The following TNKS variants were observed in gnomAD, a reference collection of about 807,000 sequenced individuals.
The protein encoded by TNKS is poly [ADP-ribose] polymerase tankyrase-1.
In TNKS, 72 loss-of-function variants were observed where a neutral mutation model predicts 135.8. That is an observed-to-expected ratio of 0.53 (90% CI 0.44 to 0.64). TNKS has a LOEUF of 0.64. Among genes scored for constraint, TNKS ranks in the 30% least tolerant of loss-of-function variants. The probability of loss-of-function intolerance (pLI) is 0.00; values close to 1 mark genes in which losing one functional copy is unlikely to be tolerated. For missense variants in TNKS, 1,769 were observed against 1,674.0 expected (o/e 1.06, Z -0.99); for synonymous variants, 849 against 649.3 (o/e 1.31, Z -4.68).
At chr8:9,598,727 G>GTC (rs1563105924) in intron 2 of TNKS, among the ~76,000 whole-genome samples, 2 of 124,254 alleles carry the variant, frequency 1.6e-5, no homozygotes, top group African/African-American at 6.2e-5. Flanking sequence ...GTGTGTGTGT[G>GTC]TGTGTGTCTG....
intron 11 of TNKS, among the ~76,000 whole-genome samples, chr8:9,718,509 T>A (rs977056289): frequency 1.3e-5 from 2 of 152,210 alleles, no homozygotes; most frequent in Non-Finnish European, 2.9e-5. Context: ...TCCAGAACTG[T>A]TTTGGCATTT....
intron 2 of TNKS, among the ~76,000 whole-genome samples, chr8:9,601,608 C>T (rs1275680606): frequency 1.3e-5 from 2 of 152,084 alleles, no homozygotes; most frequent in Non-Finnish European, 2.9e-5. Flanking sequence ...AATTTTGAGG[C>T]ACATTTTTGC....
intron 2 of TNKS, among the ~76,000 whole-genome samples, chr8:9,585,631 TG>T (rs1204603195): frequency 3.3e-5 from 5 of 152,214 alleles, no homozygotes; most frequent in Non-Finnish European, 5.9e-5. Context: ...AGGATTAAGT[TG>T]TAATTTCCTT....
At chr8:9,645,952 C>T (rs1042184980) in intron 3 of TNKS, among the ~76,000 whole-genome samples, 21 of 152,242 alleles carry the variant, frequency 1.4e-4, no homozygotes, top group African/African-American at 4.3e-4. Context: ...GTTCCCAAGA[C>T]GTTTACTTAC....
intron 3 of TNKS, among the ~76,000 whole-genome samples, chr8:9,616,583 A>C (rs2128765850): frequency 6.6e-6 from 1 of 152,334 alleles, no homozygotes; most frequent in Non-Finnish European, 1.5e-5. Flanking sequence ...TGGTGTGAAA[A>C]TTTAGCAAAA....
chr8:9,747,785 A>G (rs918459188), intron 17 of TNKS, among the ~76,000 whole-genome samples: 1 of 152,236 alleles, frequency 6.6e-6, no homozygotes, highest in Non-Finnish European at 1.5e-5. Context: ...AAAAAAGCCC[A>G]TGAACAGTTA....
At chr8:9,601,255 C>T (rs1166485118) in intron 2 of TNKS, among the ~76,000 whole-genome samples, 1 of 151,758 alleles carries the variant, frequency 6.6e-6, no homozygotes, top group Non-Finnish European at 1.5e-5. Context: ...TGTTATGAAC[C>T]CATTTGCACA....
intron 13 of TNKS, among the ~76,000 whole-genome samples, chr8:9,728,752 T>G (rs929735343): frequency 2.6e-5 from 4 of 152,234 alleles, no homozygotes; most frequent in Non-Finnish European, 5.9e-5. Flanking sequence ...ATATTTGACC[T>G]GGTCACATTA....
chr8:9,748,720 C>G (rs1806368641), intron 18 of TNKS, among the ~76,000 whole-genome samples: 1 of 152,152 alleles, frequency 6.6e-6, no homozygotes, highest in African/African-American at 2.4e-5. Context: ...AATGTTTTTT[C>G]AAGTTATGTT....
intron 16 of TNKS, 53 bp from the exon 17 acceptor site, chr8:9,735,324 A>AT (rs1413361309): frequency 3.1e-5 from 46 of 1,506,628 alleles, no homozygotes; most frequent in Admixed American, 1.8e-4. Context: ...ATATGTATGT[A>AT]TTTTTTTTCC....
intron 13 of TNKS, among the ~76,000 whole-genome samples, chr8:9,730,568 G>A (rs1585387354): frequency 6.6e-6 from 1 of 152,270 alleles, no homozygotes; most frequent in South Asian, 2.1e-4. Flanking sequence ...TCTCAGGGAG[G>A]AAAGACTTAC....
intron 2 of TNKS, among the ~76,000 whole-genome samples, chr8:9,583,766 C>T (rs1452035227): frequency 1.3e-5 from 2 of 152,024 alleles, no homozygotes; most frequent in African/African-American, 2.4e-5. Flanking sequence ...GGATTGTAGG[C>T]GTGAGCCACC....
intron 3 of TNKS, among the ~76,000 whole-genome samples, chr8:9,652,702 T>C (rs1801190244): frequency 6.6e-6 from 1 of 152,242 alleles, no homozygotes; most frequent in African/African-American, 2.4e-5. Flanking sequence ...CAATTGTTAG[T>C]AAATCAAATA....
At chr8:9,706,284 T>G in intron 7 of TNKS, 31 bp downstream of exon 7, 2 of 1,411,478 alleles carry the variant, frequency 1.4e-6, no homozygotes, top group Non-Finnish European at 1.8e-6. Flanking sequence ...TGAGCATCAT[T>G]TACTTTTTTT....
rs895674163 is a variant in TNKS at position 9,593,909 on chromosome 8, C to T, written c.898+13526C>T. Among the ~76,000 whole-genome samples, 12 of 151,634 alleles carry T rather than the reference C, an allele frequency of 7.9e-5. No homozygotes were observed. In the East Asian group the frequency reaches 9.7e-4, roughly 12 times the overall value. ...TTATTATTATTATTATTTTTTGAGA[C>T]GGAGTCTCACTCTGTCACCCAGGCT... On this transcript the variant is annotated intron_variant, in intron 2 of 26. Coordinates refer to ENST00000310430, the MANE Select transcript of TNKS (RefSeq NM_003747.3).
intron 1 of TNKS, among the ~76,000 whole-genome samples, chr8:9,568,233 G>A (rs1797622421): frequency 2.0e-5 from 3 of 152,160 alleles, no homozygotes; most frequent in Admixed American, 2.0e-4. Flanking sequence ...TCCATGGTGT[G>A]TTTTTCCCCC....
chr8:9,556,217 C>T lies in TNKS; in HGVS notation c.278C>T (p.Thr93Ile). The T allele has an allele frequency of 6.2e-7, 1 of 1,614,164 alleles. No individual in the cohort carries two copies. The highest frequency in any genetic ancestry group is 8.5e-7 in the Non-Finnish European group (1 of 1,180,026). ...GACGGTACCAGCTGTTGCAGTACCA[C>T]CAGCACAATCTGTACCGTCGCCGCC... ...PVDGTSCCST[T>I]STICTVAAAP... The change falls in exon 1 of 27, where the codon ACC (threonine) becomes ATC (isoleucine). Residue 93 changes from threonine to isoleucine, a missense_variant. This residue lies in a region of TNKS where 450 missense variants were observed against 304.9 expected (regional missense o/e 1.48). Transcript: ENST00000310430.
intron 13 of TNKS, among the ~76,000 whole-genome samples, chr8:9,728,677 AATTTG>A (rs1232155575): frequency 6.6e-6 from 1 of 152,080 alleles, no homozygotes; most frequent in Non-Finnish European, 1.5e-5. Context: ...TTTTTTATTT[AATTTG>A]ATTTGTCAAT....
chr8:9,658,289 C>G (rs1162769989), intron 3 of TNKS: 1 of 404,624 alleles, frequency 2.5e-6, no homozygotes, highest in South Asian at 5.0e-5. Flanking sequence ...CCAAGGCAGG[C>G]GGCTGCTCCT....
Sources: allele counts gnomAD v4.1 joint callset (sites outside exome capture counted in the v4.1 genomes callset), GRCh38; gene constraint gnomAD v4.1.1; regional missense constraint gnomAD v4.1.1; transcripts MANE v1.5; gene names NCBI Gene and HGNC (gene_info 2026-07-23, HGNC 2026-07-21).